The following MRPL1 variants were observed in gnomAD, a reference collection of about 807,000 sequenced individuals.
MRPL1 encodes the protein large ribosomal subunit protein uL1m.
MRPL1 carries 28 observed loss-of-function variants against 38.0 expected under a neutral mutation model. The observed-to-expected ratio is 0.74, with a 90% confidence interval of 0.55 to 1.01. The LOEUF is 1.01. MRPL1 is among the 50% of genes least tolerant of loss of function. The pLI, the probability that MRPL1 is intolerant of heterozygous loss-of-function variation, is 0.00. For synonymous variants in MRPL1, 123 were observed against 126.7 expected (o/e 0.97, Z 0.20); for missense variants, 358 against 389.8 (o/e 0.92, Z 0.69).
chr4:77,921,339 T>C (rs1371293347), intron 7 of MRPL1, among the ~76,000 whole-genome samples: 1 of 152,128 alleles, frequency 6.6e-6, no homozygotes, highest in African/African-American at 2.4e-5. Context: ...TAAATATATA[T>C]GTACTTATGA....
rs765376264 is a variant in MRPL1, at chr4:77,883,315, A to G, written c.217A>G (p.Lys73Glu). ...DEKKDEIEKI[K>E]AYPYMEGEPE... The stretch of plus-strand genomic sequence containing the variant: ...GAAAAAAGATGAAATAGAAAAAATA[A>G]AAGCATATCCCTATATGGAAGGCGA... The change falls in exon 3 of 9, where the codon AAA becomes GAA. Residue 73 changes from lysine (K) to glutamate (E), a missense_variant. By Grantham distance (56) the Lys-to-Glu change is moderately conservative. Coordinates refer to ENST00000315567, the MANE Select transcript of MRPL1 (RefSeq NM_020236.4). The G allele has an allele frequency of 8.7e-6, 14 of 1,606,514 alleles. No individual in the cohort carries two copies. The East Asian group carries it at 1.3e-4, about 15-fold the overall frequency.
In MRPL1 at chr4:77,894,159, T is replaced by G; in HGVS notation, c.579T>G (p.Val193=). ...TTCAGATTTGGGATGATGAAATTGTTGCAGACTTTTACGTAGCTGTTCCAG... is the reference window on the plus strand; with the variant it reads ...TTCAGATTTGGGATGATGAAATTGTGGCAGACTTTTACGTAGCTGTTCCAG... ...LIQKIWDDEI[V]ADFYVAVPEI... The change falls in exon 6 of 9, where the codon GTT becomes GTG. Residue 193 remains valine, a synonymous_variant. Transcript: ENST00000315567. The G allele has an allele frequency of 6.2e-7, 1 of 1,603,034 alleles. No homozygotes were observed. Among genetic ancestry groups the G allele is most frequent in the African/African-American group, 1.3e-5 (1 of 74,450 alleles).
chr4:77,873,926 G>A (rs1296931754), intron 2 of MRPL1, among the ~76,000 whole-genome samples: 1 of 151,796 alleles, frequency 6.6e-6, no homozygotes, highest in African/African-American at 2.4e-5. Context: ...CTGTGCATAT[G>A]TAAGTACATG....
chr4:77,879,524 G>T (rs1297500084), intron 2 of MRPL1, among the ~76,000 whole-genome samples: 1 of 152,122 alleles, frequency 6.6e-6, no homozygotes. Context: ...CAGCCTTGGG[G>T]AATATCAGAT....
chr4:77,931,560 G>A (rs1736844697), intron 7 of MRPL1, among the ~76,000 whole-genome samples: 1 of 152,174 alleles, frequency 6.6e-6, no homozygotes, highest in Non-Finnish European at 1.5e-5. Flanking sequence ...GTTTTTGTGT[G>A]ATATATTTTT....
In MRPL1 at chr4:77,883,632, C is replaced by T. The variant is rs1035888394; in HGVS notation, c.402+132C>T. The T allele has an allele frequency of 1.6e-5, 14 of 894,300 alleles. No homozygotes were observed. In the South Asian group the frequency reaches 1.8e-4, roughly 12 times the overall value. The allele number at this position is 894,300 out of a possible 1,614,324, so 55.4% of individuals were successfully genotyped here. ...TTGCCGTGTTGCCCAGGCTGGAGTG[C>T]GGTGGTATGATCTCAGCTCACTGCA... On this transcript the variant is annotated intron_variant, in intron 3 of 8. Coordinates refer to ENST00000315567, the MANE Select transcript of MRPL1 (RefSeq NM_020236.4).
intron 6 of MRPL1, among the ~76,000 whole-genome samples, chr4:77,904,296 G>T (rs1435537760): frequency 4.0e-5 from 6 of 151,886 alleles, no homozygotes; most frequent in African/African-American, 1.5e-4. Flanking sequence ...GTTCATACCT[G>T]TAATCCCAGC....
chr4:77,943,426 C>T (rs949382316), intron 7 of MRPL1, among the ~76,000 whole-genome samples: 1 of 151,996 alleles, frequency 6.6e-6, no homozygotes, highest in Non-Finnish European at 1.5e-5. Context: ...TCTCTAGCCA[C>T]GCTGGGAAGT....
At chr4:77,930,967 C>CTT (rs544015849) in intron 7 of MRPL1, among the ~76,000 whole-genome samples, 1 of 152,186 alleles carries the variant, frequency 6.6e-6, no homozygotes, top group Non-Finnish European at 1.5e-5. Flanking sequence ...GCAGAAGACT[C>CTT]TAAGACTGCC....
intron 7 of MRPL1, among the ~76,000 whole-genome samples, chr4:77,930,589 T>C (rs1736821881): frequency 6.6e-6 from 1 of 152,154 alleles, no homozygotes; most frequent in Admixed American, 6.5e-5. Context: ...GCAGAGAAAT[T>C]TGACTACACA....
At chr4:77,869,235 G>A (rs767494305) in intron 1 of MRPL1, among the ~76,000 whole-genome samples, 17 of 152,210 alleles carry the variant, frequency 1.1e-4, no homozygotes, top group Non-Finnish European at 2.2e-4. Flanking sequence ...AGAGGGAGTT[G>A]TTTCTATCTC....
chr4:77,879,483 A>G, intron 2 of MRPL1, among the ~76,000 whole-genome samples: 1 of 152,322 alleles, frequency 6.6e-6, no homozygotes, highest in East Asian at 1.9e-4. Context: ...TTGAATTTTG[A>G]AAATATTTAT....
At chr4:77,873,982 C>T (rs1183440881) in intron 2 of MRPL1, among the ~76,000 whole-genome samples, 2 of 150,360 alleles carry the variant, frequency 1.3e-5, no homozygotes, top group Non-Finnish European at 3.0e-5. Context: ...ACTATGTACC[C>T]TGTTTTGCAT....
intron 7 of MRPL1, among the ~76,000 whole-genome samples, chr4:77,943,755 C>T (rs925606522): frequency 6.6e-6 from 1 of 152,102 alleles, no homozygotes; most frequent in Non-Finnish European, 1.5e-5. Context: ...ATCTGGTTCA[C>T]TGAACATTTT....
Position 77,923,081 on chromosome 4 carries a change from A to C in MRPL1, c.777+13709A>C, listed in dbSNP as rs535537324. Among the ~76,000 whole-genome samples the C allele has an allele frequency of 4.4e-4, 67 of 152,112 alleles. 1 individual carries two copies. Among genetic ancestry groups the C allele is most frequent in the South Asian group, 2.9e-3 (14 of 4,820 alleles). ...GGTTTGATATTTAGCAGAGGAGCTG[A>C]TATTTTTGTTATTTATCTATTTATT... On this transcript the variant is annotated intron_variant, in intron 7 of 8. Transcript: ENST00000315567.
rs969402527 is a variant in MRPL1, at chr4:77,863,461, A to ATTTTTTTTTTTTTTTTTTTTTTTTTTT, written c.31+603_31+604insTTTTTTTTTTTTTTTTTTTTTTTTTTT. Among the ~76,000 whole-genome samples, 59 of 112,648 alleles carry ATTTTTTTTTTTTTTTTTTTTTTTTTTT rather than the reference A, an allele frequency of 5.2e-4. 5 individuals carry two copies. The highest frequency in any genetic ancestry group is 1.1e-3 in the African/African-American group (29 of 26,130). The allele number at this position is 112,648 out of a possible 152,430, so 73.9% of individuals were successfully genotyped here. A position where few individuals can be genotyped will look rare whatever the true frequency, so the allele number is the denominator to read the frequency against. On this transcript the variant is annotated intron_variant, in intron 1 of 8. Transcript: ENST00000315567. ...GATGACAGCCCTTTCTTGTGCAACA[A>ATTTTTTTTTTTTTTTTTTTTTTTTTTT]TTTTTTTTTTTTTTTTTTTTTGAGA...
chr4:77,886,836 A>G (rs1352967156), intron 4 of MRPL1, among the ~76,000 whole-genome samples: 2 of 114,356 alleles, frequency 1.7e-5, no homozygotes, highest in Non-Finnish European at 3.3e-5. Context: ...TCTGCCACCC[A>G]GGCTGGAGTG....
chr4:77,924,997 TGAAA>T (rs1434781677), intron 7 of MRPL1, among the ~76,000 whole-genome samples: 3 of 152,166 alleles, frequency 2.0e-5, no homozygotes, highest in African/African-American at 2.4e-5. Context: ...GTAGAAAAGT[TGAAA>T]GAACAGTACA....
At chr4:77,934,031 T>C (rs974021349) in intron 7 of MRPL1, among the ~76,000 whole-genome samples, 5 of 152,320 alleles carry the variant, frequency 3.3e-5, no homozygotes, top group Middle Eastern at 3.4e-3. Context: ...TGGTGCATCA[T>C]ACAGTGGAAT....
Sources: allele counts gnomAD v4.1 joint callset (sites outside exome capture counted in the v4.1 genomes callset), GRCh38; gene constraint gnomAD v4.1.1; transcripts MANE v1.5; gene names NCBI Gene and HGNC (gene_info 2026-07-23, HGNC 2026-07-21).